The following FAR2 variants were observed in gnomAD, a reference collection of about 807,000 sequenced individuals.
FAR2 encodes the protein epididymis secretory protein Li 81.
Under a neutral mutation model 56.0 loss-of-function variants are expected in FAR2, and 19 were observed. That is an observed-to-expected ratio of 0.34 (90% CI 0.24 to 0.50). The LOEUF is 0.50. Among genes scored for constraint, FAR2 ranks in the 20% least tolerant of loss-of-function variants. FAR2 has a pLI of 0.98. For synonymous variants in FAR2, 219 were observed against 218.8 expected (o/e 1.00, Z -0.01); for missense variants, 508 against 642.2 (o/e 0.79, Z 2.26).
intron 10 of FAR2, 122 bp from the exon 11 acceptor site, chr12:29,332,478 G>A (rs924013879): frequency 2.9e-6 from 4 of 1,368,162 alleles, no homozygotes; most frequent in African/African-American, 2.9e-5. Context: ...CTCCTTTGGA[G>A]AGGGTCCAAC....
intron 1 of FAR2, among the ~76,000 whole-genome samples, chr12:29,223,318 C>G (rs1375997136): frequency 1.3e-5 from 2 of 152,216 alleles, no homozygotes; most frequent in African/African-American, 4.8e-5. Flanking sequence ...CTTCCTTTCT[C>G]TGAGCAAACA....
chr12:29,172,331 T>A (rs968002711), intron 1 of FAR2, among the ~76,000 whole-genome samples: 2 of 152,278 alleles, frequency 1.3e-5, no homozygotes, highest in Admixed American at 1.3e-4. Flanking sequence ...TGATCTTTTC[T>A]GTCTTCCCCA....
At chr12:29,287,445 G>A (rs781733967) in intron 2 of FAR2, among the ~76,000 whole-genome samples, 30 of 151,920 alleles carry the variant, frequency 2.0e-4, no homozygotes, top group Non-Finnish European at 2.9e-4. Context: ...TTAAATTAAC[G>A]AACTTATTTG....
chr12:29,333,491 C>A, intron 11 of FAR2, 141 bp from the exon 12 acceptor site: 1 of 719,068 alleles, frequency 1.4e-6, no homozygotes, highest in Non-Finnish European at 2.3e-6. Flanking sequence ...ACGCAGAAAC[C>A]AATTGGCCAA....
intron 2 of FAR2, chr12:29,292,306 A>G (rs1387599037): frequency 6.6e-6 from 1 of 152,230 alleles, no homozygotes; most frequent in Non-Finnish European, 1.5e-5. Context: ...TTCACAGGCC[A>G]AAGTGAAAGA....
At chr12:29,151,531 G>A (rs1949681405) in intron 1 of FAR2, 1 of 152,182 alleles carries the variant, frequency 6.6e-6, no homozygotes, top group African/African-American at 2.4e-5. Context: ...GTTTGGTAAT[G>A]TTCTGCTATC....
intron 2 of FAR2, among the ~76,000 whole-genome samples, chr12:29,285,745 C>T (rs1948864458): frequency 6.6e-6 from 1 of 151,866 alleles, no homozygotes; most frequent in Admixed American, 6.6e-5. Context: ...ATAATGAAAC[C>T]CCGTCTCTAC....
intron 5 of FAR2, chr12:29,308,142 T>A: frequency 8.8e-6 from 2 of 226,566 alleles, no homozygotes; most frequent in Non-Finnish European, 1.7e-5. Flanking sequence ...TACTATAGTT[T>A]AAGCATACCA....
chr12:29,162,237 T>C (rs998674055), intron 1 of FAR2, among the ~76,000 whole-genome samples: 3 of 152,214 alleles, frequency 2.0e-5, no homozygotes, highest in African/African-American at 7.2e-5. Context: ...AGTTATACTA[T>C]CCATCTGAAA....
At chr12:29,167,846 T>C (rs191333384) in intron 1 of FAR2, among the ~76,000 whole-genome samples, 1 of 152,224 alleles carries the variant, frequency 6.6e-6, no homozygotes, top group East Asian at 1.9e-4. Flanking sequence ...ATTGCAGCTT[T>C]GACCAATGAC....
chr12:29,238,941 G>C (rs1947982410), intron 1 of FAR2, among the ~76,000 whole-genome samples: 2 of 152,148 alleles, frequency 1.3e-5, no homozygotes, highest in South Asian at 4.1e-4. Flanking sequence ...ATGGAAGCTT[G>C]CTTCTTCAAA....
intron 1 of FAR2, among the ~76,000 whole-genome samples, chr12:29,202,003 C>A (rs1947422474): frequency 6.6e-6 from 1 of 152,070 alleles, no homozygotes; most frequent in African/African-American, 2.4e-5. Context: ...CAATAGTGCA[C>A]AATTTATATT....
intron 1 of FAR2, among the ~76,000 whole-genome samples, chr12:29,196,687 T>C (rs1950147123): frequency 6.6e-6 from 1 of 152,126 alleles, no homozygotes; most frequent in Admixed American, 6.6e-5. Context: ...GAAAAACTTC[T>C]GGACATTGGC....
At chr12:29,257,760 C>T (rs934446019) in intron 1 of FAR2, among the ~76,000 whole-genome samples, 22 of 152,180 alleles carry the variant, frequency 1.4e-4, no homozygotes, top group Non-Finnish European at 2.8e-4. Flanking sequence ...GAAGAAACTC[C>T]GAACACATCT....
At chr12:29,153,579 T>C (rs915767947) in intron 1 of FAR2, among the ~76,000 whole-genome samples, 2 of 152,326 alleles carry the variant, frequency 1.3e-5, no homozygotes, top group Admixed American at 6.5e-5. Flanking sequence ...TGGGTTGCCA[T>C]TGAAGACTTT....
At chr12:29,283,116 A>G (rs1948812468) in intron 2 of FAR2, among the ~76,000 whole-genome samples, 1 of 152,214 alleles carries the variant, frequency 6.6e-6, no homozygotes, top group African/African-American at 2.4e-5. Flanking sequence ...GTTCCACAAT[A>G]GAGGAATGAC....
At chr12:29,216,019 C>T (rs1374673299) in intron 1 of FAR2, among the ~76,000 whole-genome samples, 2 of 152,128 alleles carry the variant, frequency 1.3e-5, no homozygotes, top group Non-Finnish European at 2.9e-5. Flanking sequence ...CCAAATTGTG[C>T]CACAGGCTGA....
intron 1 of FAR2, among the ~76,000 whole-genome samples, chr12:29,195,162 A>G (rs1414934281): frequency 6.6e-6 from 1 of 152,154 alleles, no homozygotes; most frequent in Non-Finnish European, 1.5e-5. Context: ...ATGTCAATAC[A>G]TTTTCTGACG....
At chr12:29,323,997 G>GA (rs1197213961) in intron 10 of FAR2, among the ~76,000 whole-genome samples, 4 of 150,746 alleles carry the variant, frequency 2.7e-5, no homozygotes, top group African/African-American at 4.9e-5. Flanking sequence ...TAAAAACTTT[G>GA]AAAAAAAAAT....
Sources: gnomAD v4.1 joint callset for allele counts (sites outside exome capture counted in the v4.1 genomes callset) on GRCh38, gnomAD v4.1.1 for gene constraint, MANE v1.5 for transcripts, NCBI Gene and HGNC (gene_info 2026-07-23, HGNC 2026-07-21) for gene names.